The following CLIP1 variants were observed in gnomAD, a reference collection of about 807,000 sequenced individuals.
The protein encoded by CLIP1 is CAP-Gly domain containing linker protein 1.
Under a neutral mutation model 161.6 loss-of-function variants are expected in CLIP1, and 66 were observed. The ratio of observed to expected loss-of-function variants is 0.41; its 90% confidence interval spans 0.33 to 0.50. The LOEUF (loss-of-function observed/expected upper bound fraction) is 0.50. Ranked by LOEUF, CLIP1 falls within the 20% of genes least tolerant of loss-of-function variation. The pLI is 0.27. For synonymous variants in CLIP1, 598 were observed against 626.2 expected, an observed-to-expected ratio of 0.96 and a Z score of 0.67; for missense variants, 1,376 against 1,702.0, an observed-to-expected ratio of 0.81 and a Z score of 3.37.
chr12:122,334,450 T>C (rs879336017), intron 13 of CLIP1, among the ~76,000 whole-genome samples, 198 bp downstream of exon 13: 1 of 152,164 alleles, frequency 6.6e-6, no homozygotes, highest in Non-Finnish European at 1.5e-5. Flanking sequence ...GAACAAGCCT[T>C]AAGCTAAAAG....
At chr12:122,340,629 G>A in intron 11 of CLIP1, 124 bp downstream of exon 11, 1 of 727,144 alleles carries the variant, frequency 1.4e-6, no homozygotes, top group Non-Finnish European at 2.2e-6. Flanking sequence ...TACTCAACTG[G>A]GGACATCAAG....
rs74524124 is a variant in CLIP1, at chr12:122,348,997, A to T, written c.1402-1518T>A. Among the ~76,000 whole-genome samples the T allele has an allele frequency of 5.5e-3, 843 of 152,198 alleles. 31 individuals are homozygous for T. In the East Asian group the frequency reaches 0.1, roughly 19 times the overall value. On this transcript the variant is annotated intron_variant, in intron 9 of 25. Coordinates refer to ENST00000620786, the MANE Select transcript of CLIP1 (RefSeq NM_001247997.2). ...AGATATTTAAAAGGTGAACAAAAAA[A>T]TTTTTTTTAATTCATCACCTGCTTC...
At chr12:122,369,083 A>C (rs1327472738) in intron 3 of CLIP1, among the ~76,000 whole-genome samples, 1 of 150,734 alleles carries the variant, frequency 6.6e-6, no homozygotes, top group East Asian at 2.0e-4. Flanking sequence ...CAGTGGCATG[A>C]TCTCAGCTCA....
chr12:122,354,839 A>G, intron 6 of CLIP1: 2 of 579,038 alleles, frequency 3.5e-6, no homozygotes, highest in Admixed American at 3.1e-5. Flanking sequence ...ATCATTGGTA[A>G]GGCCCTAGTA....
chr12:122,411,743 G>A (rs1956541949), intron 1 of CLIP1, among the ~76,000 whole-genome samples: 1 of 152,092 alleles, frequency 6.6e-6, no homozygotes, highest in Admixed American at 6.6e-5. Context: ...TCAAACTCCT[G>A]GCCTCCTGCC....
chr12:122,390,197 A>ATATAT (rs1555280492), intron 1 of CLIP1, among the ~76,000 whole-genome samples: 14 of 90,598 alleles, frequency 1.5e-4, no homozygotes, highest in East Asian at 4.2e-4. Context: ...ATATATATAT[A>ATATAT]ATATATATAT....
intron 2 of CLIP1, 64 bp downstream of exon 2, chr12:122,380,304 T>C (rs1954960326): frequency 9.3e-7 from 1 of 1,080,358 alleles, no homozygotes; most frequent in Non-Finnish European, 1.4e-6. Context: ...AATAATGTTT[T>C]AAAATTAAAA....
intron 1 of CLIP1, among the ~76,000 whole-genome samples, chr12:122,413,708 T>A (rs777483050): frequency 6.6e-6 from 1 of 152,148 alleles, no homozygotes; most frequent in Non-Finnish European, 1.5e-5. Context: ...GGGTTCCCAA[T>A]AGGGATTCTG....
chr12:122,288,398 G>A, intron 21 of CLIP1, 91 bp downstream of exon 21: 7 of 1,107,038 alleles, frequency 6.3e-6, no homozygotes, highest in Non-Finnish European at 9.0e-6. Flanking sequence ...ATCTAAGAAG[G>A]TCACTTGTTT....
chr12:122,415,358 T>C (rs1465634047), intron 1 of CLIP1, among the ~76,000 whole-genome samples: 1 of 151,570 alleles, frequency 6.6e-6, no homozygotes, highest in African/African-American at 2.4e-5. Flanking sequence ...GGCGGGCGCC[T>C]GTAGTCCCAG....
chr12:122,336,182 T>G (rs566349495), intron 12 of CLIP1, among the ~76,000 whole-genome samples: 39 of 152,348 alleles, frequency 2.6e-4, no homozygotes, highest in Non-Finnish European at 5.1e-4. Flanking sequence ...TATTTTAATT[T>G]ATTTAATTAG....
Position 122,355,936 on chromosome 12 carries a change from T to C in CLIP1, c.1006-624A>G, listed in dbSNP as rs1454965240. On this transcript the variant is annotated intron_variant, in intron 5 of 25. Coordinates refer to ENST00000620786, the MANE Select transcript of CLIP1 (RefSeq NM_001247997.2). The surrounding 1 kb of genome is among the most constrained non-coding windows in gnomAD (Gnocchi z 4.1). ...TCAAGTCAGCCTTGACTTCATCTTC[T>C]GCAGTCAGAGCTGCTGCAGCTGTCG... The C allele has an allele frequency of 6.6e-6, 1 of 152,338 alleles. No individual in the cohort carries two copies. The highest frequency in any genetic ancestry group is 2.4e-5 in the African/African-American group (1 of 41,468). The allele number at this position is 152,338 out of a possible 1,614,324, so 9.4% of individuals were successfully genotyped here. A position where few individuals can be genotyped will look rare whatever the true frequency, so the allele number is the denominator to read the frequency against.
chr12:122,319,344 G>A lies in CLIP1; in HGVS notation c.3254C>T (p.Ala1085Val). The change falls in exon 18 of 26, where the codon GCT (alanine) becomes GTT (valine). Residue 1085 changes from alanine (A) to valine (V), a missense_variant. Transcript: ENST00000620786. ...LRKQADKAKA[A>V]QTAEDAMQIM... ...CTGCATGGCATCTTCCGCTGTTTGA[G>A]CAGCCTAAATACAAGGAAACACTGT... 1.2e-6 allele frequency: 2 copies of A among 1,611,980 alleles called. No individual in the cohort carries two copies. Among genetic ancestry groups the A allele is most frequent in the Admixed American group, 1.7e-5 (1 of 60,008 alleles).
In CLIP1 at chr12:122,336,535, A is replaced by G. The variant is rs948146700; in HGVS notation, c.2568+97T>C. On this transcript the variant is annotated intron_variant, in intron 12 of 25. Transcript: ENST00000620786. ...ACTCAAGTTGAATCAACACTTAGAA[A>G]GAGAAAGGAAACAGCTACAATATTT... 9 of 687,702 alleles carry G rather than the reference A, an allele frequency of 1.3e-5. No homozygotes were observed. In the African/African-American group the frequency reaches 1.4e-4, roughly 11 times the overall value. The allele number at this position is 687,702 out of a possible 1,614,324, so 42.6% of individuals were successfully genotyped here.
In CLIP1 at chr12:122,329,916, G is replaced by A. The variant is rs561587344; in HGVS notation, c.2868-1490C>T. ...GAGGATCACCTGAGGTCAGGAGTTC[G>A]AGACCAGCCTGACCAACATAGAGAA... is the stretch of plus-strand genomic sequence containing the variant. On this transcript the variant is annotated intron_variant, in intron 15 of 25. Transcript: ENST00000620786. 5.4e-4 allele frequency among the ~76,000 whole-genome samples: 82 copies of A among 152,118 alleles called. 2 individuals carry two copies. In the South Asian group the frequency reaches 0.013, roughly 24 times the overall value.
intron 1 of CLIP1, among the ~76,000 whole-genome samples, chr12:122,393,565 A>G (rs892007528): frequency 1.3e-5 from 2 of 152,234 alleles, no homozygotes; most frequent in African/African-American, 2.4e-5. Flanking sequence ...TTGAAAGGGC[A>G]TACACCTAGT....
chr12:122,290,245 C>A (rs886418766), intron 20 of CLIP1, among the ~76,000 whole-genome samples: 1 of 151,960 alleles, frequency 6.6e-6, no homozygotes, highest in Non-Finnish European at 1.5e-5. Flanking sequence ...CATAAATATC[C>A]CTTTACCATG....
At chr12:122,392,201 G>A (rs1271378411) in intron 1 of CLIP1, among the ~76,000 whole-genome samples, 1 of 152,110 alleles carries the variant, frequency 6.6e-6, no homozygotes, top group Non-Finnish European at 1.5e-5. Flanking sequence ...AGCCCATGAG[G>A]CCAAGACTGC....
chr12:122,401,139 G>C (rs1432605885), intron 1 of CLIP1, among the ~76,000 whole-genome samples: 1 of 152,030 alleles, frequency 6.6e-6, no homozygotes, highest in African/African-American at 2.4e-5. Context: ...TCGAACTCCC[G>C]ACCTCAGGTG....
Sources: gnomAD v4.1 joint callset for allele counts (sites outside exome capture counted in the v4.1 genomes callset) on GRCh38, gnomAD v4.1.1 for gene constraint, Gnocchi (gnomAD v3.1) non-coding constraint, MANE v1.5 for transcripts, NCBI Gene and HGNC (gene_info 2026-07-23, HGNC 2026-07-21) for gene names.